Variants in XPO4 observed in about 807,000 individuals in gnomAD.
XPO4 encodes the protein exportin-4.
Under a neutral mutation model 143.0 loss-of-function variants are expected in XPO4, and 39 were observed. The ratio of observed to expected loss-of-function variants is 0.27; its 90% CI spans 0.21 to 0.36. The LOEUF (loss-of-function observed/expected upper bound fraction) is 0.36, where lower values mean the gene tolerates loss of function less well. Ranked by LOEUF, XPO4 falls within the 10% of genes least tolerant of loss-of-function variation. The pLI is 1.00. For missense variants in XPO4, 907 were observed against 1,348.0 expected, an observed-to-expected ratio of 0.67 and a Z score of 5.12; for synonymous variants, 439 against 474.0, an observed-to-expected ratio of 0.93 and a Z score of 0.96.
intron 10 of XPO4, 78 bp from the exon 11 acceptor site, chr13:20,809,303 G>T (rs767684604): frequency 2.6e-6 from 4 of 1,521,904 alleles, no homozygotes; most frequent in Non-Finnish European, 3.5e-6. Context: ...CCATAACATA[G>T]CTTAGATAGC....
intron 9 of XPO4, among the ~76,000 whole-genome samples, chr13:20,814,901 C>A (rs1404112470): frequency 6.6e-6 from 1 of 152,136 alleles, no homozygotes; most frequent in Non-Finnish European, 1.5e-5. Flanking sequence ...ACCCTTTAGT[C>A]ATAGAAAAAA....
intron 4 of XPO4, chr13:20,852,548 T>G: frequency 1.0e-6 from 1 of 985,002 alleles, no homozygotes; most frequent in South Asian, 4.7e-5. Flanking sequence ...TGCTGAAGCA[T>G]CAGCATCTCA....
At chr13:20,856,991 A>G in intron 3 of XPO4, 2 of 570,366 alleles carry the variant, frequency 3.5e-6, no homozygotes, top group Middle Eastern at 8.7e-4. Context: ...TACCTGCTGC[A>G]TAACATGCAT....
At chr13:20,840,247 C>T (rs1440037426) in intron 6 of XPO4, among the ~76,000 whole-genome samples, 2 of 151,912 alleles carry the variant, frequency 1.3e-5, no homozygotes, top group African/African-American at 2.4e-5. Flanking sequence ...TCTCTTCTGT[C>T]GCCCAGGGTG....
intron 3 of XPO4, among the ~76,000 whole-genome samples, chr13:20,861,844 G>C (rs79683594): frequency 0.023 from 2,877 of 126,724 alleles, 78 homozygotes; most frequent in Middle Eastern, 0.12. Flanking sequence ...GGAGTGCAGT[G>C]ATGCAATGAT....
chr13:20,788,765 T>A, intron 19 of XPO4, 149 bp from the exon 20 acceptor site: 1 of 768,626 alleles, frequency 1.3e-6, no homozygotes, highest in Non-Finnish European at 1.9e-6. Context: ...AAGACCAAAT[T>A]AAATGTAAAA....
intron 2 of XPO4, chr13:20,866,327 A>G (rs2138130224): frequency 1.0e-6 from 1 of 985,132 alleles, no homozygotes; most frequent in East Asian, 1.1e-4. Context: ...AGGAAAAATG[A>G]GCAACATATA....
chr13:20,880,388 C>A (rs1441066128), intron 1 of XPO4, among the ~76,000 whole-genome samples: 1 of 151,558 alleles, frequency 6.6e-6, no homozygotes, highest in South Asian at 2.1e-4. Context: ...GCCTAGATCG[C>A]GCCATTGCAC....
chr13:20,809,923 C>T lies in XPO4; in HGVS notation c.1218G>A (p.Leu406=), dbSNP rs776656000. Residue 406 remains leucine, a synonymous_variant, in exon 10 of 23, where the codon TTG becomes TTA. Coordinates refer to ENST00000255305, the MANE Select transcript of XPO4 (RefSeq NM_022459.5). ...DMVYMEAYDK[L]LESWLTLVQD... is the part of the protein sequence containing the mutation. ...GAACCAAAGTTAACCAGGACTCCAA[C>T]AATTTATCATATGCTTCCATGTATA... The T allele has an allele frequency of 9.9e-6, 16 of 1,613,500 alleles. No individual in the cohort carries two copies. Among genetic ancestry groups the T allele is most frequent in the Non-Finnish European group, 1.1e-5 (13 of 1,179,766 alleles).
Position 20,783,129 on chromosome 13 carries a change from CA to C in XPO4, c.*592del, listed in dbSNP as rs1428911357. 1 of 152,222 alleles carries C rather than the reference CA, an allele frequency of 6.6e-6. No individual in the cohort carries two copies. The allele number at this position is 152,222 out of a possible 1,614,324, so 9.4% of individuals were successfully genotyped here. On this transcript the variant is annotated 3_prime_UTR_variant, in exon 23 of 23. Transcript: ENST00000255305. ...CAAAGGGAGGAAAAGCTAGAAAGCA[CA>C]AAACCTCTTAAGAGTTTTCAATGTC...
intron 1 of XPO4, among the ~76,000 whole-genome samples, chr13:20,883,782 TTTGAGACAGAGTTTTGCTCTTG>T (rs2060435412): frequency 6.6e-6 from 1 of 152,234 alleles, no homozygotes. Flanking sequence ...TTTGTTTGTT[TTTGAGACAGAGTTTTGCTCTTG>T]TTGCCCAGGA....
At position 20,827,148 on chromosome 13, in the gene XPO4, G is replaced by C. The variant is rs1419713962; in HGVS notation, c.759C>G (p.Ser253=). ...TTGGCTTCAACAGCACATTTTGCGA[G>C]GATTCAAACATAGCTATATAATGTC... ...LGRHYIAMFE[S]SQNVLLKPTE... Residue 253 remains serine (S), a synonymous_variant, in exon 7 of 23, where the codon TCC becomes TCG. Coordinates refer to ENST00000255305, the MANE Select transcript of XPO4 (RefSeq NM_022459.5). The C allele has an allele frequency of 6.2e-7, 1 of 1,613,866 alleles. No individual in the cohort carries two copies.
At chr13:20,802,121 A>G (rs1242795517) in intron 13 of XPO4, among the ~76,000 whole-genome samples, 1 of 152,056 alleles carries the variant, frequency 6.6e-6, no homozygotes, top group Non-Finnish European at 1.5e-5. Flanking sequence ...GCCCAGACAC[A>G]GTCACGGTCC....
intron 13 of XPO4, among the ~76,000 whole-genome samples, chr13:20,804,223 TAC>T (rs1277247115): frequency 1.3e-5 from 2 of 150,746 alleles, no homozygotes; most frequent in African/African-American, 2.4e-5. Flanking sequence ...TATATATATA[TAC>T]ACACACACAT....
chr13:20,828,183 T>C (rs905892035), intron 6 of XPO4, among the ~76,000 whole-genome samples: 3 of 151,704 alleles, frequency 2.0e-5, no homozygotes, highest in African/African-American at 7.3e-5. Flanking sequence ...GAGGTTGCAG[T>C]GAGCCGAGAT....
rs1595079794 is a variant in XPO4 at position 20,809,834 on chromosome 13, T to A, written c.1307A>T (p.Tyr436Phe). The part of the protein sequence containing the change: ...TQHAVQVFNS[Y>F]IQCHLAAPDG... ...TGGAGCAGCTAGGTGGCACTGAATA[T>A]AGGAATTGAAAACTTGAACTGCATG... Residue 436 changes from tyrosine to phenylalanine, a missense_variant, in exon 10 of 23, where the codon TAT becomes TTT. Tyr to Phe is a conservative substitution (Grantham distance 22). Transcript: ENST00000255305. 1.2e-6 allele frequency: 2 copies of A among 1,613,664 alleles called. No homozygotes were observed. Among genetic ancestry groups the A allele is most frequent in the Non-Finnish European group, 1.7e-6 (2 of 1,179,776 alleles).
chr13:20,838,581 G>A (rs1041451251), intron 6 of XPO4, among the ~76,000 whole-genome samples: 4 of 141,190 alleles, frequency 2.8e-5, no homozygotes, highest in African/African-American at 1.1e-4. Context: ...CTGCACTCCA[G>A]CGTGGGCAAC....
chr13:20,854,380 T>C (rs1178908572), intron 4 of XPO4, among the ~76,000 whole-genome samples: 4 of 152,114 alleles, frequency 2.6e-5, no homozygotes, highest in Non-Finnish European at 1.5e-5. Flanking sequence ...CAAGGGACAA[T>C]GTATGTGGCC....
chr13:20,802,249 G>C (rs2059444375), intron 13 of XPO4, among the ~76,000 whole-genome samples: 1 of 151,804 alleles, frequency 6.6e-6, no homozygotes, highest in South Asian at 2.1e-4. Flanking sequence ...GTAAAGACAG[G>C]GTTTCGTCAT....
Sources: gnomAD v4.1 joint callset for allele counts (sites outside exome capture counted in the v4.1 genomes callset) on GRCh38, gnomAD v4.1.1 for gene constraint, MANE v1.5 for transcripts, NCBI Gene and HGNC (gene_info 2026-07-23, HGNC 2026-07-21) for gene names.